The following NRXN1 variants were observed in gnomAD, a reference collection of about 807,000 sequenced individuals.
The protein encoded by NRXN1 is neurexin 1.
A neutral mutation model predicts 150.9 loss-of-function variants in NRXN1; 39 were observed. That is an observed-to-expected ratio of 0.26 (90% CI 0.20 to 0.34). The LOEUF is 0.34. NRXN1 is among the 10% of genes least tolerant of loss of function. NRXN1 has a pLI of 1.00. For missense variants in NRXN1, 1,815 were observed against 1,949.9 expected (o/e 0.93, Z 1.30); for synonymous variants, 924 against 757.0 (o/e 1.22, Z -3.62).
intron 5 of NRXN1, among the ~76,000 whole-genome samples, chr2:50,665,043 A>G (rs1351685742): frequency 6.6e-6 from 1 of 152,016 alleles, no homozygotes; most frequent in East Asian, 1.9e-4. Flanking sequence ...TTGTTCTCTT[A>G]ACATAATATG....
At chr2:50,475,797 A>C (rs1170321222) in intron 15 of NRXN1, among the ~76,000 whole-genome samples, 1 of 151,952 alleles carries the variant, frequency 6.6e-6, no homozygotes, top group Non-Finnish European at 1.5e-5. Context: ...AAACTCCTTT[A>C]GTGGTCTGAG....
chr2:50,186,563 C>G (rs911938015), intron 18 of NRXN1, among the ~76,000 whole-genome samples: 1 of 151,962 alleles, frequency 6.6e-6, no homozygotes, highest in Admixed American at 6.6e-5. Context: ...CTTTTCATCA[C>G]CAAATGTCTC....
chr2:50,038,603 G>T lies in NRXN1; in HGVS notation c.4128+14668C>A, dbSNP rs114492948. 4.7e-3 allele frequency among the ~76,000 whole-genome samples: 715 copies of T among 152,220 alleles called. 7 individuals are homozygous for T. The highest frequency in any genetic ancestry group is 0.016 in the African/African-American group (659 of 41,534). On this transcript the variant is annotated intron_variant, in intron 21 of 22. Transcript: ENST00000401669. ...CAGGCACCCAGCTAAGTTTTTCTGG[G>T]ATTCCTGACCCATAAAAACTGAAAT...
In NRXN1 at chr2:49,929,311, A is replaced by T. The variant is rs147913788; in HGVS notation, c.4217-7060T>A. 1.4e-4 allele frequency among the ~76,000 whole-genome samples: 22 copies of T among 152,310 alleles called. No individual in the cohort carries two copies. In the East Asian group the frequency reaches 4.2e-3, roughly 29 times the overall value. ...GACAAATAAACAGAGGAACATGCAC[A>T]ATCTCCCTCATCTCCAGGGGAAGCC... On this transcript the variant is annotated intron_variant, in intron 22 of 22. Coordinates refer to ENST00000401669, the MANE Select transcript of NRXN1 (RefSeq NM_001330078.2).
At chr2:50,639,863 T>C (rs1218044912) in intron 5 of NRXN1, among the ~76,000 whole-genome samples, 3 of 152,168 alleles carry the variant, frequency 2.0e-5, no homozygotes, top group South Asian at 4.1e-4. Context: ...ATATGTATTA[T>C]TATAAAATTC....
At chr2:50,963,910 T>TA (rs1268986433) in intron 2 of NRXN1, 2 of 370,124 alleles carry the variant, frequency 5.4e-6, no homozygotes, top group Non-Finnish European at 1.1e-5. Context: ...TTTAATGAAT[T>TA]ATGGTATCCT....
intron 5 of NRXN1, among the ~76,000 whole-genome samples, chr2:50,797,168 A>T (rs1199799804): frequency 6.6e-6 from 1 of 152,128 alleles, no homozygotes; most frequent in Non-Finnish European, 1.5e-5. Context: ...GATCATAGCA[A>T]TTAGTTTATT....
chr2:50,641,260 T>G (rs576868024), intron 5 of NRXN1, among the ~76,000 whole-genome samples: 1 of 152,246 alleles, frequency 6.6e-6, no homozygotes, highest in Non-Finnish European at 1.5e-5. Flanking sequence ...TTGCTTGTGT[T>G]TTCTTTACAT....
chr2:50,377,584 AAGTGC>A (rs2080612362), intron 17 of NRXN1, among the ~76,000 whole-genome samples: 2 of 152,140 alleles, frequency 1.3e-5, no homozygotes, highest in African/African-American at 4.8e-5. Flanking sequence ...TTGATCTCCA[AAGTGC>A]CCACATACTA....
chr2:50,662,176 G>C (rs1687395537), intron 5 of NRXN1, among the ~76,000 whole-genome samples: 1 of 151,950 alleles, frequency 6.6e-6, no homozygotes, highest in African/African-American at 2.4e-5. Context: ...TCATCTGCAA[G>C]GAAAAGCTGC....
intron 18 of NRXN1, among the ~76,000 whole-genome samples, chr2:50,159,836 T>C (rs1389280842): frequency 1.3e-5 from 2 of 152,118 alleles, no homozygotes; most frequent in Non-Finnish European, 2.9e-5. Context: ...TATTTAATAA[T>C]ACTGGAGACA....
chr2:50,661,557 A>C (rs532067313), intron 5 of NRXN1, among the ~76,000 whole-genome samples: 2 of 152,190 alleles, frequency 1.3e-5, no homozygotes, highest in South Asian at 2.1e-4. Context: ...TAATTACCCA[A>C]CAGCTGTTTA....
intron 8 of NRXN1, among the ~76,000 whole-genome samples, chr2:50,553,950 A>T (rs1022619434): frequency 6.6e-6 from 1 of 152,166 alleles, no homozygotes; most frequent in Non-Finnish European, 1.5e-5. Context: ...CATAAGGATA[A>T]AGAGAGAAGG....
At chr2:49,932,433 A>T (rs1670293801) in intron 22 of NRXN1, among the ~76,000 whole-genome samples, 1 of 152,082 alleles carries the variant, frequency 6.6e-6, no homozygotes, top group Non-Finnish European at 1.5e-5. Flanking sequence ...TGCTGAAGTC[A>T]TTCTTCTTAT....
chr2:50,790,482 G>A (rs1342227823), intron 5 of NRXN1, among the ~76,000 whole-genome samples: 1 of 152,118 alleles, frequency 6.6e-6, no homozygotes, highest in Non-Finnish European at 1.5e-5. Context: ...GCAGCCAGGT[G>A]TGGTGGCAGG....
chr2:50,476,944 C>T (rs2090041060), intron 15 of NRXN1, among the ~76,000 whole-genome samples: 1 of 152,116 alleles, frequency 6.6e-6, no homozygotes, highest in Non-Finnish European at 1.5e-5. Context: ...CCAGACTAAA[C>T]ATGCCTTAGA....
intron 5 of NRXN1, among the ~76,000 whole-genome samples, chr2:50,889,546 T>C (rs1680748817): frequency 1.3e-5 from 2 of 151,696 alleles, no homozygotes; most frequent in African/African-American, 4.8e-5. Flanking sequence ...AAATTCAAAA[T>C]AAGAAGAGGT....
intron 7 of NRXN1, among the ~76,000 whole-genome samples, chr2:50,620,606 GCAAGCTATTTCCAGCAA>G (rs1679835525): frequency 6.6e-6 from 1 of 152,096 alleles, no homozygotes. Flanking sequence ...CATAAAAGGC[GCAAGCTATTTCCAGCAA>G]CATCACTATT....
At chr2:50,255,332 C>T (rs1166079900) in intron 17 of NRXN1, among the ~76,000 whole-genome samples, 1 of 152,162 alleles carries the variant, frequency 6.6e-6, no homozygotes, top group Non-Finnish European at 1.5e-5. Flanking sequence ...GAGAATTTTA[C>T]ATTTTACCAC....
Sources: gnomAD v4.1 joint callset for allele counts (sites outside exome capture counted in the v4.1 genomes callset) on GRCh38, gnomAD v4.1.1 for gene constraint, MANE v1.5 for transcripts, NCBI Gene and HGNC (gene_info 2026-07-23, HGNC 2026-07-21) for gene names.